The following IL1RAP variants were observed in gnomAD, a reference collection of about 807,000 sequenced individuals.
IL1RAP encodes interleukin-1 receptor accessory protein.
In IL1RAP, 35 loss-of-function variants were observed where a neutral mutation model predicts 60.7. The observed-to-expected ratio is 0.58, with a 90% CI of 0.44 to 0.76. IL1RAP has a LOEUF of 0.76. Among genes scored for constraint, IL1RAP ranks in the 30% least tolerant of loss-of-function variants. The probability of loss-of-function intolerance (pLI) is 0.00; values close to 1 mark genes in which losing one functional copy is unlikely to be tolerated. For synonymous variants in IL1RAP, 268 were observed against 250.9 expected, an observed-to-expected ratio of 1.07 and a Z score of -0.64; for missense variants, 572 against 693.9, an observed-to-expected ratio of 0.82 and a Z score of 1.97.
intron 4 of IL1RAP, 148 bp from the exon 5 acceptor site, chr3:190,608,847 C>G: frequency 1.9e-6 from 1 of 533,408 alleles, no homozygotes; most frequent in Non-Finnish European, 3.3e-6. Flanking sequence ...TAGGAAATGC[C>G]TCCACTACCA....
intron 11 of IL1RAP, among the ~76,000 whole-genome samples, chr3:190,647,855 T>A (rs534915956): frequency 6.6e-6 from 1 of 152,316 alleles, no homozygotes; most frequent in South Asian, 2.1e-4. Flanking sequence ...TAGCAAAAGA[T>A]AAAATTCTAT....
At chr3:190,560,349 A>C (rs1725778633) in intron 2 of IL1RAP, among the ~76,000 whole-genome samples, 1 of 152,178 alleles carries the variant, frequency 6.6e-6, no homozygotes, top group African/African-American at 2.4e-5. Flanking sequence ...AAAAGTGCGA[A>C]TGGTCGTAGT....
intron 9 of IL1RAP, chr3:190,643,974 C>T (rs1417997285): frequency 4.5e-6 from 1 of 224,390 alleles, no homozygotes; most frequent in Non-Finnish European, 7.4e-6. Flanking sequence ...CTTCTAAGCC[C>T]TTCCTGATGT....
intron 3 of IL1RAP, among the ~76,000 whole-genome samples, chr3:190,596,978 C>T (rs1729430947): frequency 6.6e-6 from 1 of 152,078 alleles, no homozygotes; most frequent in African/African-American, 2.4e-5. Context: ...GAACTAATTT[C>T]AAATGGGCAA....
chr3:190,565,085 T>A (rs1726259186), intron 3 of IL1RAP, among the ~76,000 whole-genome samples: 1 of 152,094 alleles, frequency 6.6e-6, no homozygotes, highest in African/African-American at 2.4e-5. Flanking sequence ...TACATAAAAC[T>A]GAAATTTGTC....
chr3:190,643,489 CTCTATT>C (rs1733802945), intron 9 of IL1RAP, among the ~76,000 whole-genome samples: 1 of 152,032 alleles, frequency 6.6e-6, no homozygotes, highest in Admixed American at 6.6e-5. Context: ...AATTACCTCA[CTCTATT>C]TCTGATACTT....
At chr3:190,522,318 C>A in intron 1 of IL1RAP, among the ~76,000 whole-genome samples, 1 of 133,970 alleles carries the variant, frequency 7.5e-6, no homozygotes. Context: ...TCCTTCCTTC[C>A]TTCCTTCCTT....
Position 190,650,016 on chromosome 3 carries a change from C to A in IL1RAP, c.*1311C>A. 1.9e-6 allele frequency: 1 copy of A among 537,254 alleles called. No homozygotes were observed. The highest frequency in any genetic ancestry group is 2.4e-6 in the Non-Finnish European group (1 of 421,346). 33.3% of individuals were successfully genotyped at this position (537,254 alleles called of 1,614,324 possible). The stretch of plus-strand genomic sequence containing the variant: ...AATTATATATATACATATCCACACA[C>A]ATACATTACATATATCTGTGTATAT... On this transcript the variant is annotated 3_prime_UTR_variant, in exon 12 of 12. Transcript: ENST00000447382.
chr3:190,640,155 T>C (rs987882904), intron 9 of IL1RAP, among the ~76,000 whole-genome samples: 6 of 152,250 alleles, frequency 3.9e-5, no homozygotes, highest in African/African-American at 1.4e-4. Context: ...TCTCTTTAGC[T>C]CAGTGTGACC....
At chr3:190,539,488 A>T (rs1490554087) in intron 1 of IL1RAP, among the ~76,000 whole-genome samples, 1 of 151,948 alleles carries the variant, frequency 6.6e-6, no homozygotes, top group East Asian at 1.9e-4. Context: ...TTCCCCTGGT[A>T]TTGCTGTTTT....
intron 7 of IL1RAP, among the ~76,000 whole-genome samples, chr3:190,624,178 C>G (rs1252749141): frequency 6.6e-6 from 1 of 152,198 alleles, no homozygotes; most frequent in African/African-American, 2.4e-5. Flanking sequence ...CTATGGCATC[C>G]CATGCGGGAA....
At chr3:190,576,122 TTAAA>T (rs1727421708) in intron 3 of IL1RAP, among the ~76,000 whole-genome samples, 1 of 152,156 alleles carries the variant, frequency 6.6e-6, no homozygotes, top group East Asian at 1.9e-4. Context: ...CGCAGTTGAA[TTAAA>T]TATTTAAATG....
At chr3:190,526,269 A>T (rs558025996) in intron 1 of IL1RAP, among the ~76,000 whole-genome samples, 4 of 152,376 alleles carry the variant, frequency 2.6e-5, no homozygotes, top group Non-Finnish European at 5.9e-5. Context: ...ACACAAGACA[A>T]AACTGAGACC....
intron 1 of IL1RAP, among the ~76,000 whole-genome samples, chr3:190,527,683 C>CTTTTT (rs1560140606): frequency 9.1e-6 from 1 of 110,066 alleles, no homozygotes; most frequent in African/African-American, 4.5e-5. Context: ...TGCTTGTTTA[C>CTTTTT]ATTTTTTTTT....
At chr3:190,646,012 A>G (rs1228992239) in intron 11 of IL1RAP, among the ~76,000 whole-genome samples, 170 bp downstream of exon 11, 1 of 152,212 alleles carries the variant, frequency 6.6e-6, no homozygotes, top group Admixed American at 6.5e-5. Flanking sequence ...AATGTATACT[A>G]TTCAACTCAG....
intron 3 of IL1RAP, among the ~76,000 whole-genome samples, chr3:190,591,983 A>G (rs1728980759): frequency 1.3e-5 from 2 of 152,104 alleles, no homozygotes; most frequent in African/African-American, 2.4e-5. Flanking sequence ...ACCATGAACC[A>G]TGGTACAGAA....
intron 1 of IL1RAP, among the ~76,000 whole-genome samples, chr3:190,544,563 T>A (rs1302644394): frequency 6.6e-6 from 1 of 152,144 alleles, no homozygotes; most frequent in East Asian, 1.9e-4. Flanking sequence ...AGTGAGAGAA[T>A]TCCTAGGAAT....
intron 5 of IL1RAP, among the ~76,000 whole-genome samples, chr3:190,618,776 A>G (rs1731504709): frequency 2.0e-5 from 3 of 152,228 alleles, no homozygotes. Context: ...ACAAGTGTCT[A>G]CAAGTATTGC....
At chr3:190,612,299 G>C (rs1196584696) in intron 5 of IL1RAP, among the ~76,000 whole-genome samples, 1 of 151,854 alleles carries the variant, frequency 6.6e-6, no homozygotes, top group Non-Finnish European at 1.5e-5. Context: ...ACATCAATAA[G>C]TGTAATATAC....
Sources: allele counts gnomAD v4.1 joint callset (sites outside exome capture counted in the v4.1 genomes callset), GRCh38; gene constraint gnomAD v4.1.1; transcripts MANE v1.5; gene names NCBI Gene and HGNC (gene_info 2026-07-23, HGNC 2026-07-21).